Variants in DGKD observed in about 807,000 individuals in gnomAD.
The protein encoded by DGKD is diacylglycerol kinase delta, also known as DAG kinase delta.
Under a neutral mutation model 154.4 loss-of-function variants are expected in DGKD, and 68 were observed. The ratio of observed to expected loss-of-function variants is 0.44; its 90% CI spans 0.36 to 0.54. DGKD has a LOEUF of 0.54. Among genes scored for constraint, DGKD ranks in the 20% least tolerant of loss-of-function variants. The pLI is 0.00. For missense variants in DGKD, 1,343 were observed against 1,593.6 expected, an observed-to-expected ratio of 0.84 and a Z score of 2.68; for synonymous variants, 693 against 638.0, an observed-to-expected ratio of 1.09 and a Z score of -1.30.
Position 233,458,347 on chromosome 2 carries a change from C to T in DGKD, c.2644C>T (p.Gln882Ter), listed in dbSNP as rs1296812792. 6.2e-7 allele frequency: 1 copy of T among 1,612,212 alleles called. No homozygotes were observed. Among genetic ancestry groups the T allele is most frequent in the African/African-American group, 1.3e-5 (1 of 75,052 alleles). Reference sequence around the variant, plus strand: ...GGTGGTCGCCGTGTTCGGCAGCATGCAGATGGCCGTCTCTCGAGTCATCAG... The same window carrying T: ...GGTGGTCGCCGTGTTCGGCAGCATGTAGATGGCCGTCTCTCGAGTCATCAG... ...LEVVAVFGSM[Q>*]MAVSRVIRLQ... is the part of the protein sequence containing the mutation. Residue 882 changes from glutamine to a stop codon, truncating the protein, a stop_gained, in exon 22 of 30, where the codon CAG becomes TAG. Coordinates refer to ENST00000264057, the MANE Select transcript of DGKD (RefSeq NM_152879.3). LOFTEE classifies it high-confidence loss of function. This position sits in a 1 kb window ranked among gnomAD's most constrained non-coding sequence, Gnocchi z 6.6.
intron 1 of DGKD, among the ~76,000 whole-genome samples, chr2:233,372,507 C>G (rs1191193903): frequency 6.6e-6 from 1 of 152,024 alleles, no homozygotes; most frequent in East Asian, 1.9e-4. Flanking sequence ...TGTTCTCTAT[C>G]TCCTTTCTCT....
At chr2:233,361,056 C>T (rs1403753705) in intron 1 of DGKD, among the ~76,000 whole-genome samples, 1 of 146,248 alleles carries the variant, frequency 6.8e-6, no homozygotes, top group Non-Finnish European at 1.5e-5. Context: ...TAGGGCAGCC[C>T]TGGGGAAAGA....
rs1413909870 is a variant in DGKD at position 233,391,410 on chromosome 2, T to TC, written c.348+927_348+928insC. 6.1e-3 allele frequency among the ~76,000 whole-genome samples: 878 copies of TC among 143,598 alleles called. 12 individuals carry two copies. Among genetic ancestry groups the TC allele is most frequent in the African/African-American group, 0.022 (818 of 36,588 alleles). The allele number at this position is 143,598 out of a possible 152,430, so 94.2% of individuals were successfully genotyped here. A position where few individuals can be genotyped will look rare whatever the true frequency, so the allele number is the denominator to read the frequency against. On this transcript the variant is annotated intron_variant, in intron 3 of 29. Transcript: ENST00000264057. ...CCTTTTGGTTTACACCTGTGTTTTTTTCCCCCCCCAGGACAATTTATAGTA... is the reference window on the plus strand; with the variant it reads ...CCTTTTGGTTTACACCTGTGTTTTTTCTCCCCCCCCAGGACAATTTATAGTA...
chr2:233,410,784 TTCTC>T (rs555260837), intron 3 of DGKD, among the ~76,000 whole-genome samples: 13 of 151,410 alleles, frequency 8.6e-5, no homozygotes, highest in Middle Eastern at 3.4e-3. Context: ...CACACACACT[TTCTC>T]TCTCTCTCTC....
At chr2:233,366,360 G>A (rs1702029880) in intron 1 of DGKD, among the ~76,000 whole-genome samples, 1 of 152,166 alleles carries the variant, frequency 6.6e-6, no homozygotes, top group Non-Finnish European at 1.5e-5. Context: ...TGGCTGTGGC[G>A]ATGGGGGAAG....
intron 24 of DGKD, among the ~76,000 whole-genome samples, chr2:233,461,174 CT>C (rs1422699043): frequency 6.6e-6 from 1 of 152,274 alleles, no homozygotes; most frequent in East Asian, 1.9e-4. Flanking sequence ...CTGTGAGTCC[CT>C]CCCAGCCGGC....
At chr2:233,406,872 A>G (rs1437712196) in intron 3 of DGKD, among the ~76,000 whole-genome samples, 10 of 152,176 alleles carry the variant, frequency 6.6e-5, no homozygotes, top group Non-Finnish European at 1.3e-4. Flanking sequence ...CCCTGAAATA[A>G]TCATATCAGA....
intron 3 of DGKD, among the ~76,000 whole-genome samples, chr2:233,395,921 A>T (rs1703993032): frequency 6.6e-6 from 1 of 152,116 alleles, no homozygotes; most frequent in African/African-American, 2.4e-5. Flanking sequence ...TGTATTACTG[A>T]GGGTTTAGTC....
At chr2:233,398,812 A>AC (rs1257400050) in intron 3 of DGKD, among the ~76,000 whole-genome samples, 2 of 151,890 alleles carry the variant, frequency 1.3e-5, no homozygotes, top group Admixed American at 6.5e-5. Context: ...TTTAGTAGAG[A>AC]TGGGTTTCAC....
chr2:233,401,978 C>G (rs1221995011), intron 3 of DGKD, among the ~76,000 whole-genome samples: 2 of 148,814 alleles, frequency 1.3e-5, no homozygotes, highest in African/African-American at 4.9e-5. Flanking sequence ...AGGGGCCCCT[C>G]GTTTCTTACC....
intron 3 of DGKD, among the ~76,000 whole-genome samples, chr2:233,409,285 A>C (rs956166291): frequency 1.3e-5 from 2 of 152,240 alleles, no homozygotes; most frequent in African/African-American, 4.8e-5. Context: ...GTCTTTATTT[A>C]CAAATGGCAG....
intron 3 of DGKD, among the ~76,000 whole-genome samples, chr2:233,398,205 C>T (rs2061470040): frequency 1.3e-5 from 2 of 150,718 alleles, no homozygotes; most frequent in South Asian, 2.1e-4. Flanking sequence ...TGCAGTGGTG[C>T]GATCTTGGCT....
At position 233,458,215 on chromosome 2, in the gene DGKD, G is replaced by A; in HGVS notation, c.2581-69G>A. ...AGGGGCTGACCCCCAGAGGGAGGGA[G>A]TGAGGGTAGGGGCGGCCTGTGCTCG... On this transcript the variant is annotated intron_variant, in intron 21 of 29. Transcript: ENST00000264057. This position sits in a 1 kb window ranked among gnomAD's most constrained non-coding sequence, Gnocchi z 6.6. 1 of 1,007,440 alleles carries A rather than the reference G, an allele frequency of 9.9e-7. No homozygotes were observed. The highest frequency in any genetic ancestry group is 1.5e-5 in the South Asian group (1 of 68,406). The allele number at this position is 1,007,440 out of a possible 1,614,324, so 62.4% of individuals were successfully genotyped here.
intron 1 of DGKD, among the ~76,000 whole-genome samples, chr2:233,366,820 A>G (rs544335190): frequency 1.3e-4 from 20 of 152,148 alleles, no homozygotes; most frequent in Admixed American, 1.2e-3. Context: ...AGGTGGGCAG[A>G]AGAGGAAGAG....
At chr2:233,416,518 C>T (rs1021259868) in intron 3 of DGKD, among the ~76,000 whole-genome samples, 9 of 152,156 alleles carry the variant, frequency 5.9e-5, no homozygotes, top group African/African-American at 2.2e-4. Context: ...AACTCTTTTT[C>T]CTTCTCATCT....
chr2:233,464,389 C>T (rs1015103974), intron 27 of DGKD, 106 bp downstream of exon 27: 131 of 1,452,878 alleles, frequency 9.0e-5, no homozygotes, highest in Middle Eastern at 2.1e-4. Flanking sequence ...AAGATCGTGT[C>T]GCTCCGGCAG....
At chr2:233,451,879 C>A in intron 17 of DGKD, 85 bp from the exon 18 acceptor site, 2 of 1,103,192 alleles carry the variant, frequency 1.8e-6, no homozygotes, top group South Asian at 1.3e-5. Flanking sequence ...TGCAGAATAC[C>A]GGTCCACCAG....
At chr2:233,451,564 A>T (rs2063293970) in intron 17 of DGKD, among the ~76,000 whole-genome samples, 1 of 150,900 alleles carries the variant, frequency 6.6e-6, no homozygotes, top group Admixed American at 6.6e-5. Context: ...AACTGACTCT[A>T]TAAGCCTTTT....
At chr2:233,392,939 G>A (rs1012436204) in intron 3 of DGKD, among the ~76,000 whole-genome samples, 5 of 152,074 alleles carry the variant, frequency 3.3e-5, no homozygotes, top group Non-Finnish European at 5.9e-5. Flanking sequence ...GTCAGATTTC[G>A]TAAACTCTAG....
Sources: gnomAD v4.1 joint callset for allele counts (sites outside exome capture counted in the v4.1 genomes callset) on GRCh38, gnomAD v4.1.1 for gene constraint, Gnocchi (gnomAD v3.1) non-coding constraint, MANE v1.5 for transcripts, NCBI Gene and HGNC (gene_info 2026-07-23, HGNC 2026-07-21) for gene names.